The following STX10 variants were observed in gnomAD, a reference collection of about 807,000 sequenced individuals.
STX10 encodes the protein syntaxin-10.
Under a neutral mutation model 34.1 loss-of-function variants are expected in STX10, and 35 were observed. That is an observed-to-expected ratio of 1.03 (90% CI 0.78 to 1.36). The LOEUF is 1.36. Among genes scored for constraint, STX10 ranks in the 40% most tolerant of loss-of-function variants. The probability of loss-of-function intolerance (pLI) is 0.00; values close to 1 mark genes in which losing one functional copy is unlikely to be tolerated. For missense variants in STX10, 361 were observed against 335.5 expected, an observed-to-expected ratio of 1.08 and a Z score of -0.59; for synonymous variants, 155 against 132.9, an observed-to-expected ratio of 1.17 and a Z score of -1.15.
chr19:13,145,126 G>C (rs2019867759), intron 5 of STX10, among the ~76,000 whole-genome samples, 162 bp downstream of exon 5: 1 of 152,120 alleles, frequency 6.6e-6, no homozygotes, highest in Non-Finnish European at 1.5e-5. Context: ...TGGAACCTGG[G>C]AGGCGGAGGT....
intron 4 of STX10, among the ~76,000 whole-genome samples, chr19:13,148,746 A>T (rs1296184030): frequency 6.6e-6 from 1 of 152,062 alleles, no homozygotes; most frequent in Non-Finnish European, 1.5e-5. Context: ...GACAAATGGC[A>T]TGGAAGCAGA....
rs878920257 is a variant in STX10 at position 13,150,246 on chromosome 19, G to A, written c.-73C>T. On this transcript the variant is annotated 5_prime_UTR_variant, in exon 1 of 8. Transcript: ENST00000587230. The surrounding 1 kb of genome is among the most constrained non-coding windows in gnomAD (Gnocchi z 4.0). ...GCGGGCTGGTTCCCTCCCAACCGAG[G>A]AGAACGCGCCGCCACCCCCGCCCCC... 2.9e-6 allele frequency: 2 copies of A among 681,704 alleles called. No homozygotes were observed. Among genetic ancestry groups the A allele is most frequent in the South Asian group, 1.6e-5 (1 of 63,424 alleles). 42.2% of individuals were successfully genotyped at this position (681,704 alleles called of 1,614,324 possible). A position where few individuals can be genotyped will look rare whatever the true frequency, so the allele number is the denominator to read the frequency against.
Position 13,149,752 on chromosome 19 carries a change from G to A in STX10, c.181C>T (p.Leu61Phe). The A allele has an allele frequency of 1.2e-6, 2 of 1,614,012 alleles. No individual in the cohort carries two copies. Among genetic ancestry groups the A allele is most frequent in the South Asian group, 2.2e-5 (2 of 91,086 alleles). The stretch of plus-strand genomic sequence containing the variant: ...TCGATGGTCTCTTCCAGGTCCTCGA[G>A]GTCCCACTCGATGCTGCGCAGGCCA... Reference protein sequence around the residue: ...RNGLRSIEWDLEDLEETIGIV... With the variant: ...RNGLRSIEWDFEDLEETIGIV... The change falls in exon 2 of 8, where the codon CTC becomes TTC. Residue 61 changes from leucine to phenylalanine, a missense_variant. Physicochemically the swap from Leu to Phe is conservative, Grantham distance 22. Transcript: ENST00000587230.
intron 4 of STX10, among the ~76,000 whole-genome samples, chr19:13,148,330 C>A (rs1269206679): frequency 2.0e-5 from 3 of 151,654 alleles, no homozygotes; most frequent in Non-Finnish European, 4.4e-5. Flanking sequence ...ATGGAGAAAC[C>A]CCGTCTCTAC....
chr19:13,149,971 C>T (rs569187646), intron 1 of STX10, 74 bp from the exon 2 acceptor site: 132 of 1,510,936 alleles, frequency 8.7e-5, no homozygotes, highest in Non-Finnish European at 1.1e-4. Flanking sequence ...CGACTGCAAA[C>T]CCAAACGCAT....
At chr19:13,144,715 A>G (rs1351685026) in intron 6 of STX10, 44 bp from the exon 7 acceptor site, 12 of 1,612,970 alleles carry the variant, frequency 7.4e-6, no homozygotes, top group Non-Finnish European at 9.3e-6. Flanking sequence ...GCCCAGACAC[A>G]CCAGGGTGGC....
chr19:13,150,011 T>A lies in STX10; in HGVS notation c.36-114A>T, dbSNP rs1039783652. 1.3e-5 allele frequency: 18 copies of A among 1,389,772 alleles called. No individual in the cohort carries two copies. Among genetic ancestry groups the A allele is most frequent in the Non-Finnish European group, 1.7e-5 (17 of 1,005,322 alleles). The allele number at this position is 1,389,772 out of a possible 1,614,324, so 86.1% of individuals were successfully genotyped here. ...GACTCCGGAGACCCCTATATACCCC[T>A]GCGTGCGCCTCCCACTCTGCACCCC... On this transcript the variant is annotated intron_variant, in intron 1 of 7. Transcript: ENST00000587230. This position sits in a 1 kb window ranked among gnomAD's most constrained non-coding sequence, Gnocchi z 4.0.
rs748787921 is a variant in STX10, at chr19:13,145,314, T to G, written c.445A>C (p.Ile149Leu). The change falls in exon 5 of 8, where the codon ATC (isoleucine) becomes CTC (leucine). Residue 149 changes from isoleucine (I) to leucine (L), a missense_variant. By Grantham distance (5) the Ile-to-Leu change is conservative. Coordinates refer to ENST00000587230, the MANE Select transcript of STX10 (RefSeq NM_003765.3). ...TGCTGTGTGGCCTGCTGCTCCTCGA[T>G]GTAGCGAGATGTGGCCGAGACTGCG... ...ASAVSATSRY[I>L]EEQQATQQLI... 1 of 1,611,622 alleles carries G rather than the reference T, an allele frequency of 6.2e-7. No individual in the cohort carries two copies. The highest frequency in any genetic ancestry group is 1.1e-5 in the South Asian group (1 of 91,080).
chr19:13,146,325 T>C (rs1421615874), intron 4 of STX10, among the ~76,000 whole-genome samples: 1 of 152,104 alleles, frequency 6.6e-6, no homozygotes, highest in Non-Finnish European at 1.5e-5. Flanking sequence ...TGCTAGTAAA[T>C]GTCACATTTT....
At chr19:13,147,088 ACAC>A (rs1372378163) in intron 4 of STX10, among the ~76,000 whole-genome samples, 1 of 151,104 alleles carries the variant, frequency 6.6e-6, no homozygotes, top group African/African-American at 2.4e-5. Flanking sequence ...AAACACACAC[ACAC>A]ACACACACAC....
At chr19:13,149,935 G>A (rs1172014815) in intron 1 of STX10, 38 bp from the exon 2 acceptor site, 1 of 1,529,806 alleles carries the variant, frequency 6.5e-7, no homozygotes, top group African/African-American at 1.4e-5. Context: ...CTGGGGGCAG[G>A]CGGTCCTCCC....
chr19:13,146,010 G>A (rs2019890446), intron 4 of STX10, among the ~76,000 whole-genome samples: 1 of 136,638 alleles, frequency 7.3e-6, no homozygotes, highest in Non-Finnish European at 1.6e-5. Context: ...TGGGTGACAG[G>A]TTAAGACCTT....
At position 13,150,241 on chromosome 19, in the gene STX10, C is replaced by A. The variant is rs1286865343; in HGVS notation, c.-68G>T. 2 of 688,088 alleles carry A rather than the reference C, an allele frequency of 2.9e-6. No homozygotes were observed. Among genetic ancestry groups the A allele is most frequent in the African/African-American group, 3.7e-5 (2 of 54,644 alleles). The allele number at this position is 688,088 out of a possible 1,614,324, so 42.6% of individuals were successfully genotyped here. ...GGTTCGCGGGCTGGTTCCCTCCCAA[C>A]CGAGGAGAACGCGCCGCCACCCCCG... is the stretch of plus-strand genomic sequence containing the variant. On this transcript the variant is annotated 5_prime_UTR_variant, in exon 1 of 8. Transcript: ENST00000587230. This position sits in a 1 kb window ranked among gnomAD's most constrained non-coding sequence, Gnocchi z 4.0.
In STX10 at chr19:13,149,534, TTCTC is replaced by T. The variant is rs1302119392; in HGVS notation, c.261_264del (p.Lys89CysfsTer13). On this transcript the variant is annotated frameshift_variant, in exon 3 of 8. Transcript: ENST00000587230. LOFTEE classifies it high-confidence loss of function. ...TCTCGCATCCGCTCCACGAACACCT[TTCTC>T]TCCTGCAGGTCCCCGGCTGGGAGCT... is the stretch of plus-strand genomic sequence containing the variant. The T allele has an allele frequency of 6.2e-7, 1 of 1,614,020 alleles. No homozygotes were observed. The highest frequency in any genetic ancestry group is 8.5e-7 in the Non-Finnish European group (1 of 1,179,988).
rs756010019 is a variant in STX10 at position 13,149,483 on chromosome 19, C to T, written c.300+16G>A. ...CAAACCTTCCCCCACTCCCCGCCTG[C>T]AGGACCTTTCCTGACCTGGACTGCC... is the stretch of plus-strand genomic sequence containing the variant. On this transcript the variant is annotated intron_variant, in intron 3 of 7. Transcript: ENST00000587230. 1.9e-6 allele frequency: 3 copies of T among 1,605,016 alleles called. No individual in the cohort carries two copies. In the East Asian group the frequency reaches 6.7e-5, roughly 36 times the overall value.
At chr19:13,147,884 A>T (rs1366037243) in intron 4 of STX10, among the ~76,000 whole-genome samples, 1 of 99,788 alleles carries the variant, frequency 1.0e-5, no homozygotes, top group Non-Finnish European at 1.9e-5. Flanking sequence ...ACAGAGCAAC[A>T]CTCCGTCTCA....
Position 13,150,107 on chromosome 19 carries a change from ACCCTCCG to A in STX10, c.35+25_35+31del. 1.8e-6 allele frequency: 2 copies of A among 1,128,486 alleles called. No individual in the cohort carries two copies. The highest frequency in any genetic ancestry group is 2.6e-6 in the Non-Finnish European group (2 of 756,084). The allele number at this position is 1,128,486 out of a possible 1,614,324, so 69.9% of individuals were successfully genotyped here. A position where few individuals can be genotyped will look rare whatever the true frequency, so the allele number is the denominator to read the frequency against. ...GCACTGGCTGGCTTGGGTACAGAGC[ACCCTCCG>A]CCCTCCCCCGTCGTTGTCACTCACC... On this transcript the variant is annotated intron_variant, in intron 1 of 7. Transcript: ENST00000587230. This position sits in a 1 kb window ranked among gnomAD's most constrained non-coding sequence, Gnocchi z 4.0.
Position 13,144,633 on chromosome 19 carries a change from T to TCTCATCCC in STX10, c.616_617insGGGATGAG (p.Gln206ArgfsTer20), listed in dbSNP as rs766819055. 6.2e-7 allele frequency: 1 copy of TCTCATCCC among 1,614,158 alleles called. No homozygotes were observed. Among genetic ancestry groups the TCTCATCCC allele is most frequent in the South Asian group, 1.1e-5 (1 of 91,082 alleles). ...CCTGAGGACCCCGTCCATGCGGGACTGGGTGTGGTCCATCTCTTGGGCGAA... is the reference window on the plus strand; with the variant it reads ...CCTGAGGACCCCGTCCATGCGGGACTCTCATCCCGGGTGTGGTCCATCTCTTGGGCGAA... On this transcript the variant is annotated frameshift_variant, in exon 7 of 8. Coordinates refer to ENST00000587230, the MANE Select transcript of STX10 (RefSeq NM_003765.3). LOFTEE classifies it high-confidence loss of function.
intron 4 of STX10, among the ~76,000 whole-genome samples, chr19:13,147,113 C>CACACAT (rs1555724096): frequency 6.7e-6 from 1 of 149,690 alleles, no homozygotes; most frequent in African/African-American, 2.5e-5. Context: ...CACACACACA[C>CACACAT]GGCAGGCACA....
Sources: gnomAD v4.1 joint callset for allele counts (sites outside exome capture counted in the v4.1 genomes callset) on GRCh38, gnomAD v4.1.1 for gene constraint, Gnocchi (gnomAD v3.1) non-coding constraint, MANE v1.5 for transcripts, NCBI Gene and HGNC (gene_info 2026-07-23, HGNC 2026-07-21) for gene names.